The following GUCY1A2 variants were observed in gnomAD, a reference collection of about 807,000 sequenced individuals.
GUCY1A2 encodes guanylate cyclase 1 soluble subunit alpha 2.
In GUCY1A2, 27 loss-of-function variants were observed where a neutral mutation model predicts 63.5. The ratio of observed to expected loss-of-function variants is 0.43; its 90% CI spans 0.31 to 0.59. The LOEUF is 0.59. Among genes scored for constraint, GUCY1A2 ranks in the 20% least tolerant of loss-of-function variants. The probability of loss-of-function intolerance (pLI) is 0.11; values close to 1 mark genes in which losing one functional copy is unlikely to be tolerated. For synonymous variants in GUCY1A2, 364 were observed against 343.5 expected (o/e 1.06, Z -0.66); for missense variants, 768 against 913.3 (o/e 0.84, Z 2.05).
chr11:106,960,207 A>G (rs1183912269), intron 3 of GUCY1A2, among the ~76,000 whole-genome samples: 1 of 138,702 alleles, frequency 7.2e-6, no homozygotes, highest in Non-Finnish European at 1.5e-5. Context: ...CTAAGCTGTT[A>G]TTTCATGTTT....
chr11:106,699,576 G>A (rs1862781284), intron 7 of GUCY1A2, among the ~76,000 whole-genome samples: 2 of 151,994 alleles, frequency 1.3e-5, no homozygotes, highest in Admixed American at 1.3e-4. Context: ...TTTAAATTCT[G>A]AATCCTGGAA....
intron 2 of GUCY1A2, among the ~76,000 whole-genome samples, chr11:106,982,234 C>T (rs1160814443): frequency 1.3e-5 from 2 of 152,068 alleles, no homozygotes; most frequent in Non-Finnish European, 2.9e-5. Context: ...GAAGAAAGGG[C>T]ACTATGGCAA....
chr11:106,883,700 A>G (rs748131458), intron 4 of GUCY1A2, among the ~76,000 whole-genome samples: 8 of 152,176 alleles, frequency 5.3e-5, no homozygotes, highest in Non-Finnish European at 8.8e-5. Context: ...ACTCTCAAAG[A>G]TAAGAGGCTA....
intron 4 of GUCY1A2, among the ~76,000 whole-genome samples, chr11:106,820,879 T>G (rs1027295578): frequency 4.6e-5 from 7 of 152,338 alleles, no homozygotes; most frequent in Non-Finnish European, 7.4e-5. Flanking sequence ...TAATTCATAT[T>G]GTTTATTCAT....
chr11:106,856,079 C>A (rs1410792474), intron 4 of GUCY1A2, among the ~76,000 whole-genome samples: 4 of 150,150 alleles, frequency 2.7e-5, no homozygotes. Context: ...ACATGTGCCA[C>A]CACACCTGGC....
intron 5 of GUCY1A2, among the ~76,000 whole-genome samples, chr11:106,785,923 C>T (rs530594500): frequency 6.6e-6 from 1 of 150,852 alleles, no homozygotes; most frequent in South Asian, 2.1e-4. Context: ...GAGAAAAGCA[C>T]TTCTAACCTG....
chr11:106,826,547 C>T lies in GUCY1A2; in HGVS notation c.1207-16069G>A, dbSNP rs1386006689. The T allele has an allele frequency of 1.1e-5, 18 of 1,602,336 alleles. No individual in the cohort carries two copies. In the East Asian group the frequency reaches 1.6e-4, roughly 14 times the overall value. On this transcript the variant is annotated intron_variant, in intron 4 of 7. Coordinates refer to ENST00000526355, the MANE Select transcript of GUCY1A2 (RefSeq NM_000855.3). ...CCCATCATTCGTCCATTTTGCATGA[C>T]GACTTTGATGTATTCTTGTCCTTTG...
chr11:106,942,431 C>G (rs1419260562), intron 3 of GUCY1A2, among the ~76,000 whole-genome samples: 2 of 152,280 alleles, frequency 1.3e-5, no homozygotes, highest in East Asian at 3.9e-4. Context: ...CATTCAATGA[C>G]AGTCCTTTGT....
intron 4 of GUCY1A2, among the ~76,000 whole-genome samples, chr11:106,820,983 A>C (rs889720243): frequency 6.6e-6 from 1 of 151,904 alleles, no homozygotes; most frequent in Non-Finnish European, 1.5e-5. Flanking sequence ...TTTCATTTCT[A>C]TTCTTTAAAT....
intron 3 of GUCY1A2, among the ~76,000 whole-genome samples, chr11:106,944,215 C>CAAAAAA (rs71041701): frequency 0.019 from 405 of 21,524 alleles, 56 homozygotes; most frequent in African/African-American, 0.064. Context: ...ACCCTGTCTC[C>CAAAAAA]AAAAAAAAAA....
chr11:106,788,819 T>C (rs1013389503), intron 5 of GUCY1A2, among the ~76,000 whole-genome samples: 1 of 152,224 alleles, frequency 6.6e-6, no homozygotes, highest in Non-Finnish European at 1.5e-5. Flanking sequence ...GTAGTATAAT[T>C]TGAAGTCAGG....
intron 6 of GUCY1A2, among the ~76,000 whole-genome samples, chr11:106,765,870 C>T (rs1405581167): frequency 6.6e-6 from 1 of 152,058 alleles, no homozygotes; most frequent in African/African-American, 2.4e-5. Flanking sequence ...ATTGGTTTAA[C>T]CTCTGAACAA....
intron 1 of GUCY1A2, among the ~76,000 whole-genome samples, chr11:106,993,918 T>C (rs1038769712): frequency 2.6e-5 from 4 of 152,152 alleles, no homozygotes; most frequent in Admixed American, 2.0e-4. Context: ...AAACTAGAAG[T>C]TCAGATAATT....
intron 4 of GUCY1A2, among the ~76,000 whole-genome samples, chr11:106,847,225 A>C (rs1859285715): frequency 1.2e-5 from 1 of 81,524 alleles, no homozygotes; most frequent in African/African-American, 3.7e-5. Flanking sequence ...GTGATATTGC[A>C]AAACTCAAAA....
intron 3 of GUCY1A2, among the ~76,000 whole-genome samples, chr11:106,964,660 G>A (rs1861103604): frequency 6.6e-6 from 1 of 152,140 alleles, no homozygotes. Flanking sequence ...CACAGACACA[G>A]AATAATCATT....
intron 4 of GUCY1A2, among the ~76,000 whole-genome samples, chr11:106,870,194 TG>T (rs1411607216): frequency 1.3e-5 from 2 of 151,956 alleles, no homozygotes; most frequent in Admixed American, 6.6e-5. Context: ...ACATGGCACA[TG>T]TATACATACG....
intron 5 of GUCY1A2, among the ~76,000 whole-genome samples, chr11:106,796,481 A>T (rs1279202413): frequency 6.6e-6 from 1 of 152,178 alleles, no homozygotes; most frequent in East Asian, 1.9e-4. Flanking sequence ...TTCCTTCAGG[A>T]TGTCTCAGCA....
chr11:106,892,081 G>A (rs1398927904), intron 4 of GUCY1A2, among the ~76,000 whole-genome samples: 1 of 152,004 alleles, frequency 6.6e-6, no homozygotes, highest in African/African-American at 2.4e-5. Context: ...TTTGCAATTT[G>A]GGGTATAGAG....
chr11:106,698,119 A>ATTTTTTTTTT (rs71470827), intron 7 of GUCY1A2, among the ~76,000 whole-genome samples: 2,255 of 100,362 alleles, frequency 0.022, 272 homozygotes, highest in Non-Finnish European at 0.034. Context: ...GAATGTTAGA[A>ATTTTTTTTTT]TTTTTTTTTT....
Sources: allele counts gnomAD v4.1 joint callset (sites outside exome capture counted in the v4.1 genomes callset), GRCh38; gene constraint gnomAD v4.1.1; transcripts MANE v1.5; gene names NCBI Gene and HGNC (gene_info 2026-07-23, HGNC 2026-07-21).